GPC3: variants seen among roughly 807,000 people sequenced by gnomAD.
GPC3 encodes the protein glypican 3.
GPC3 carries 3 observed loss-of-function variants against 34.4 expected under a neutral mutation model. That is an observed-to-expected ratio of 0.09 (90% CI 0.04 to 0.23). GPC3 has a LOEUF of 0.23. Ranked by LOEUF, GPC3 falls within the 10% of genes least tolerant of loss-of-function variation. The pLI is 1.00. For synonymous variants in GPC3, 177 were observed against 174.0 expected, an observed-to-expected ratio of 1.02 and a Z score of -0.13; for missense variants, 351 against 445.6, an observed-to-expected ratio of 0.79 and a Z score of 1.91.
chrX:133,719,303 G>C (rs1458877876), intron 3 of GPC3, among the ~76,000 whole-genome samples: 3 of 111,961 alleles, frequency 2.7e-5, no homozygotes, highest in Non-Finnish European at 5.6e-5. Context: ...CAAATATGTG[G>C]AAATTAAACA....
rs370993685 is a variant in GPC3, at chrX:133,944,176, C to T, written c.337+8874G>A. ...GGACAGAGGGATATGGTAGAATAGA[C>T]ACAAGCCCTATCCACAGAAAGCTCA... On this transcript the variant is annotated intron_variant, in intron 2 of 7. Transcript: ENST00000370818. Among the ~76,000 whole-genome samples, 54 of 110,992 alleles carry T rather than the reference C, an allele frequency of 4.9e-4. 4 individuals carry two copies. The East Asian group carries it at 6.8e-3, about 14-fold the overall frequency.
intron 2 of GPC3, among the ~76,000 whole-genome samples, chrX:133,770,093 A>G (rs2071898852): frequency 8.9e-6 from 1 of 112,202 alleles, no homozygotes; most frequent in Non-Finnish European, 1.9e-5. Flanking sequence ...TCTGGACAAC[A>G]TAGTGAGACT....
intron 3 of GPC3, among the ~76,000 whole-genome samples, chrX:133,720,190 C>T (rs999570839): frequency 8.9e-6 from 1 of 111,995 alleles, no homozygotes; most frequent in Non-Finnish European, 1.9e-5. Context: ...AATCCCACTA[C>T]TGGGTATCTA....
At chrX:133,621,850 C>A (rs1162757672) in intron 6 of GPC3, among the ~76,000 whole-genome samples, 1 of 112,365 alleles carries the variant, frequency 8.9e-6, no homozygotes, top group African/African-American at 3.2e-5. Context: ...GACAGACTGC[C>A]TCCTCTACTG....
chrX:133,854,738 T>C (rs762415684), intron 2 of GPC3, among the ~76,000 whole-genome samples: 1 of 112,464 alleles, frequency 8.9e-6, no homozygotes, highest in African/African-American at 3.2e-5. Flanking sequence ...TTCTAGCAAA[T>C]TGGCAGAGAC....
At chrX:133,975,821 T>G (rs2124649255) in intron 1 of GPC3, among the ~76,000 whole-genome samples, 1 of 112,354 alleles carries the variant, frequency 8.9e-6, no homozygotes, top group East Asian at 2.8e-4. Context: ...ATTAGTGAGT[T>G]CCTTTTCTGC....
intron 2 of GPC3, among the ~76,000 whole-genome samples, chrX:133,810,977 G>A (rs1437471840): frequency 5.4e-5 from 6 of 110,871 alleles, no homozygotes; most frequent in Admixed American, 4.8e-4. Context: ...AACACTAGAT[G>A]CTTTCTGAAG....
At chrX:133,643,196 C>A (rs1016204354) in intron 6 of GPC3, among the ~76,000 whole-genome samples, 2 of 110,187 alleles carry the variant, frequency 1.8e-5, no homozygotes, top group Non-Finnish European at 3.8e-5. Flanking sequence ...TCTAAAAGGT[C>A]CTTGGTGCTG....
rs372212269 is a variant in GPC3, at chrX:133,699,993, T to C, written c.1068A>G (p.Gln356=). 1.1e-5 allele frequency: 13 copies of C among 1,189,499 alleles called. No homozygotes were observed. The highest frequency in any genetic ancestry group is 5.3e-5 in the African/African-American group (3 of 56,963). The stretch of plus-strand genomic sequence containing the variant: ...CTTCAGGATAATAAGCAGATCTATA[T>C]TGGCGTTGTTGAGAATGGGCACATA... ...GKLCAHSQQR[Q]YRSAYYPEDL... Residue 356 remains glutamine (Q), a synonymous_variant, in exon 4 of 8, where the codon CAA becomes CAG. Coordinates refer to ENST00000370818, the MANE Select transcript of GPC3 (RefSeq NM_004484.4).
At chrX:133,794,328 G>A (rs779015823) in intron 2 of GPC3, among the ~76,000 whole-genome samples, 1 of 111,880 alleles carries the variant, frequency 8.9e-6, no homozygotes, top group African/African-American at 3.2e-5. Context: ...ACAGAGCAGG[G>A]CCTGTGAATT....
chrX:133,670,707 G>A (rs1240465297), intron 5 of GPC3, among the ~76,000 whole-genome samples: 1 of 111,852 alleles, frequency 8.9e-6, no homozygotes, highest in African/African-American at 3.3e-5. Context: ...ATAATTTAAA[G>A]AGCATAAATA....
rs1442574921 is a variant in GPC3, at chrX:133,535,875, C to T, written c.*249G>A. ...CCAAACATAGGAGAATAATTTGGCA[C>T]AACTTGATGGTTTTTTTTCTTTCTT... is the stretch of plus-strand genomic sequence containing the variant. On this transcript the variant is annotated 3_prime_UTR_variant, in exon 8 of 8. Coordinates refer to ENST00000370818, the MANE Select transcript of GPC3 (RefSeq NM_004484.4). 2 of 370,709 alleles carry T rather than the reference C, an allele frequency of 5.4e-6. No individual in the cohort carries two copies. Among genetic ancestry groups the T allele is most frequent in the Non-Finnish European group, 9.3e-6 (2 of 216,026 alleles). The allele number at this position is 370,709 out of a possible 1,213,427, so 30.6% of individuals were successfully genotyped here.
chrX:133,820,005 T>G (rs1413747519), intron 2 of GPC3, among the ~76,000 whole-genome samples: 3 of 111,954 alleles, frequency 2.7e-5, no homozygotes, highest in Non-Finnish European at 5.6e-5. Context: ...TTATCTTCAT[T>G]GTCTCTCCGG....
chrX:133,894,108 C>T (rs1411425169), intron 2 of GPC3, among the ~76,000 whole-genome samples: 1 of 111,689 alleles, frequency 9.0e-6, no homozygotes, highest in Non-Finnish European at 1.9e-5. Flanking sequence ...CTACCAAAGT[C>T]CTGGGATTAC....
intron 3 of GPC3, among the ~76,000 whole-genome samples, chrX:133,719,975 T>C (rs752230620): frequency 2.7e-5 from 3 of 111,948 alleles, no homozygotes; most frequent in African/African-American, 9.7e-5. Flanking sequence ...CAACATTATA[T>C]CAGAGAAATG....
intron 7 of GPC3, among the ~76,000 whole-genome samples, chrX:133,558,263 C>G (rs2069508404): frequency 9.7e-6 from 1 of 103,231 alleles, no homozygotes; most frequent in Non-Finnish European, 2.0e-5. Flanking sequence ...AAGCCTAAGA[C>G]CAAGTTTAGG....
In GPC3 at chrX:133,668,345, C is replaced by G. The variant is rs1042258751; in HGVS notation, c.1293-6495G>C. Among the ~76,000 whole-genome samples the G allele has an allele frequency of 2.7e-5, 3 of 111,905 alleles. No individual in the cohort carries two copies. In the Admixed American group the frequency reaches 2.8e-4, roughly 11 times the overall value. On this transcript the variant is annotated intron_variant, in intron 5 of 7. Coordinates refer to ENST00000370818, the MANE Select transcript of GPC3 (RefSeq NM_004484.4). ...GAGGCAAAGAACATATTCAAGTTCTCACTACCTTTTCCTGTAGATGCCTGA... is the reference window on the plus strand; with the variant it reads ...GAGGCAAAGAACATATTCAAGTTCTGACTACCTTTTCCTGTAGATGCCTGA...
At chrX:133,903,277 T>C (rs2076153129) in intron 2 of GPC3, among the ~76,000 whole-genome samples, 1 of 111,716 alleles carries the variant, frequency 9.0e-6, no homozygotes, top group Non-Finnish European at 1.9e-5. Context: ...AATGCTGCAG[T>C]TAACCCCCTT....
chrX:133,731,233 AC>A (rs1157375675), intron 3 of GPC3, among the ~76,000 whole-genome samples: 3 of 112,418 alleles, frequency 2.7e-5, no homozygotes, highest in Non-Finnish European at 3.8e-5. Flanking sequence ...ACAGAGAAGA[AC>A]CCTGGTTTAT....
Sources: gnomAD v4.1 joint callset for allele counts (sites outside exome capture counted in the v4.1 genomes callset) on GRCh38, gnomAD v4.1.1 for gene constraint, MANE v1.5 for transcripts, NCBI Gene and HGNC (gene_info 2026-07-23, HGNC 2026-07-21) for gene names.